SHANK2: variants seen among roughly 807,000 people sequenced by gnomAD.
The protein encoded by SHANK2 is SH3 and multiple ankyrin repeat domains protein 2.
SHANK2 carries 43 observed loss-of-function variants against 133.7 expected under a neutral mutation model. That is an observed-to-expected ratio of 0.32 (90% CI 0.25 to 0.41). The LOEUF (loss-of-function observed/expected upper bound fraction) is 0.41, where lower values mean the gene tolerates loss of function less well. Among genes scored for constraint, SHANK2 ranks in the 10% least tolerant of loss-of-function variants. The probability of loss-of-function intolerance (pLI) is 1.00; values close to 1 mark genes in which losing one functional copy is unlikely to be tolerated. For synonymous variants in SHANK2, 1,017 were observed against 952.8 expected, an observed-to-expected ratio of 1.07 and a Z score of -1.24; for missense variants, 1,994 against 2,235.8, an observed-to-expected ratio of 0.89 and a Z score of 2.18.
intron 17 of SHANK2, chr11:70,634,430 G>C (rs1400714421): frequency 6.6e-6 from 1 of 152,194 alleles, no homozygotes; most frequent in African/African-American, 2.4e-5. Context: ...GCATCAAAGG[G>C]CACCATCAAC....
intron 8 of SHANK2, among the ~76,000 whole-genome samples, 178 bp from the exon 9 acceptor site, chr11:71,075,453 A>C (rs1314735993): frequency 1.3e-5 from 2 of 152,180 alleles, no homozygotes; most frequent in Non-Finnish European, 2.9e-5. Flanking sequence ...ATCAGCATGC[A>C]CCACCAGACC....
At chr11:70,922,439 A>T (rs1045712136) in intron 10 of SHANK2, among the ~76,000 whole-genome samples, 31 of 152,242 alleles carry the variant, frequency 2.0e-4, no homozygotes, top group Non-Finnish European at 3.5e-4. Flanking sequence ...CAGGAAAAAA[A>T]CATAGCTAGG....
At chr11:71,084,136 A>AT (rs1263982803) in intron 8 of SHANK2, among the ~76,000 whole-genome samples, 2 of 151,768 alleles carry the variant, frequency 1.3e-5, no homozygotes, top group East Asian at 2.0e-4. Flanking sequence ...CTTGCTGCTA[A>AT]TTTTTTTTGT....
chr11:70,642,859 A>T lies in SHANK2; in HGVS notation c.2061+16969T>A, dbSNP rs116650490. On this transcript the variant is annotated intron_variant, in intron 17 of 25. Transcript: ENST00000601538. Reference sequence around the variant, plus strand: ...AATTAGATAAAGAATACAAGTTTTTAAAAAAAGTTACTTTACAGAAGAGCC... The same window carrying T: ...AATTAGATAAAGAATACAAGTTTTTTAAAAAAGTTACTTTACAGAAGAGCC... Among the ~76,000 whole-genome samples, 853 of 152,344 alleles carry T rather than the reference A, an allele frequency of 5.6e-3. 5 individuals are homozygous for T. Among genetic ancestry groups the T allele is most frequent in the African/African-American group, 0.019 (788 of 41,570 alleles).
intron 1 of SHANK2, among the ~76,000 whole-genome samples, chr11:71,235,849 C>T (rs574843817): frequency 4.6e-5 from 7 of 152,278 alleles, no homozygotes; most frequent in African/African-American, 1.7e-4. Context: ...GCTGCCGTGA[C>T]GATGGGCACA....
intron 17 of SHANK2, among the ~76,000 whole-genome samples, chr11:70,505,711 G>A (rs1417246747): frequency 1.7e-4 from 26 of 152,152 alleles, no homozygotes; most frequent in African/African-American, 5.6e-4. Flanking sequence ...AGACTGGCAC[G>A]GGGATGGGCT....
At chr11:71,101,256 C>T (rs879987816) in intron 6 of SHANK2, among the ~76,000 whole-genome samples, 34 of 152,284 alleles carry the variant, frequency 2.2e-4, no homozygotes, top group South Asian at 4.1e-4. Flanking sequence ...CCCCTGCCTC[C>T]GTGTCACCCT....
chr11:70,951,371 T>C lies in SHANK2; in HGVS notation c.1108-54804A>G, dbSNP rs1298599700. 2.8e-5 allele frequency among the ~76,000 whole-genome samples: 4 copies of C among 140,860 alleles called. No homozygotes were observed. In the South Asian group the frequency reaches 9.7e-4, roughly 34 times the overall value. The allele number at this position is 140,860 out of a possible 152,430, so 92.4% of individuals were successfully genotyped here. A position where few individuals can be genotyped will look rare whatever the true frequency, so the allele number is the denominator to read the frequency against. ...AAATTCATTTCCCCTGGCGGCTGGGTGGTGATGTCATAAATTCATTTCCCC... is the reference window on the plus strand; with the variant it reads ...AAATTCATTTCCCCTGGCGGCTGGGCGGTGATGTCATAAATTCATTTCCCC... On this transcript the variant is annotated intron_variant, in intron 10 of 25. Coordinates refer to ENST00000601538, the MANE Select transcript of SHANK2 (RefSeq NM_012309.5).
At chr11:70,545,633 T>C (rs1554976184) in intron 17 of SHANK2, among the ~76,000 whole-genome samples, 1 of 152,230 alleles carries the variant, frequency 6.6e-6, no homozygotes, top group Non-Finnish European at 1.5e-5. Context: ...ATTAAACAGC[T>C]GGTGTTGTAT....
At chr11:70,889,141 A>C (rs1197556549) in intron 11 of SHANK2, among the ~76,000 whole-genome samples, 2 of 152,164 alleles carry the variant, frequency 1.3e-5, no homozygotes, top group Non-Finnish European at 2.9e-5. Flanking sequence ...GAGTTGAAGG[A>C]TCTCAAGATG....
In SHANK2 at chr11:70,487,177, G is replaced by A. The variant is rs1222049109; in HGVS notation, c.3116C>T (p.Pro1039Leu). ...IPIPTIIVKE[P>L]STSSSGKSSQ... ...GCTCTTGCCGCTGCTGCTGGTGGAC[G>A]GCTCCTTCACGATGATGGTCGGGAT... Residue 1039 changes from proline to leucine, a missense_variant, in exon 25 of 26, where the codon CCG becomes CTG. Pro to Leu is a moderately conservative substitution (Grantham distance 98). Around this residue, in one of 5 missense-constraint regions of SHANK2, gnomAD observed 488 missense variants for 642.6 expected, o/e 0.76. Transcript: ENST00000601538. This position sits in a 1 kb window ranked among gnomAD's most constrained non-coding sequence, Gnocchi z 5.8. 2.5e-6 allele frequency: 4 copies of A among 1,613,322 alleles called. No individual in the cohort carries two copies. Among genetic ancestry groups the A allele is most frequent in the Non-Finnish European group, 3.4e-6 (4 of 1,180,048 alleles).
chr11:70,685,310 C>T (rs1945120764), intron 15 of SHANK2, among the ~76,000 whole-genome samples: 2 of 152,182 alleles, frequency 1.3e-5, no homozygotes, highest in Non-Finnish European at 2.9e-5. Flanking sequence ...TTCCTGGCTC[C>T]TCCCCTTCAC....
chr11:71,144,699 C>G (rs1952613577), intron 3 of SHANK2, among the ~76,000 whole-genome samples: 1 of 152,136 alleles, frequency 6.6e-6, no homozygotes, highest in African/African-American at 2.4e-5. Flanking sequence ...AAAATTCCAG[C>G]CTTCCAGTGT....
intron 3 of SHANK2, among the ~76,000 whole-genome samples, chr11:71,141,670 T>A (rs536464841): frequency 7.9e-5 from 12 of 152,218 alleles, no homozygotes; most frequent in African/African-American, 2.4e-4. Flanking sequence ...ATTACCAGCA[T>A]GAGAATGGGC....
chr11:70,612,789 T>C (rs1554994682), intron 17 of SHANK2, among the ~76,000 whole-genome samples: 1 of 152,164 alleles, frequency 6.6e-6, no homozygotes, highest in African/African-American at 2.4e-5. Context: ...ACAGATATCA[T>C]TTTGGCCTTT....
chr11:71,146,331 C>T (rs1407389886), intron 3 of SHANK2, among the ~76,000 whole-genome samples: 4 of 152,164 alleles, frequency 2.6e-5, no homozygotes, highest in African/African-American at 9.6e-5. Flanking sequence ...CACGAAGCTC[C>T]CCTTTACAGA....
chr11:70,822,737 G>T (rs112462159), intron 11 of SHANK2, among the ~76,000 whole-genome samples: 14 of 53,746 alleles, frequency 2.6e-4, no homozygotes, highest in South Asian at 7.1e-4. Flanking sequence ...GCTGGCAGAG[G>T]TCATGGGGGA....
intron 17 of SHANK2, among the ~76,000 whole-genome samples, chr11:70,622,187 T>C (rs1407114820): frequency 6.6e-6 from 1 of 152,118 alleles, no homozygotes; most frequent in African/African-American, 2.4e-5. Flanking sequence ...GGATGTCCAA[T>C]GGAATGGACG....
In SHANK2 at chr11:71,110,049, T is replaced by C. The variant is rs1209958921; in HGVS notation, c.484A>G (p.Thr162Ala). 6.5e-7 allele frequency: 1 copy of C among 1,545,304 alleles called. No individual in the cohort carries two copies. Among genetic ancestry groups the C allele is most frequent in the African/African-American group, 1.4e-5 (1 of 72,884 alleles). The change falls in exon 6 of 26, where the codon ACC (threonine) becomes GCC (alanine). Residue 162 changes from threonine to alanine, a missense_variant and splice_region_variant. Thr to Ala is a moderately conservative substitution (Grantham distance 58). Around this residue, in one of 5 missense-constraint regions of SHANK2, gnomAD observed 653 missense variants for 563.4 expected, o/e 1.16. Coordinates refer to ENST00000601538, the MANE Select transcript of SHANK2 (RefSeq NM_012309.5). ...EKQLAKLHTK[T>A]NLKKCMDHIQ... ...TGATCCATGCATTTCTTCAGATTGGTCTAGAAGGAAAAACAATACAATTGA... is the reference window on the plus strand; with the variant it reads ...TGATCCATGCATTTCTTCAGATTGGCCTAGAAGGAAAAACAATACAATTGA...
Sources: gnomAD v4.1 joint callset for allele counts (sites outside exome capture counted in the v4.1 genomes callset) on GRCh38, gnomAD v4.1.1 for gene constraint, gnomAD v4.1.1 regional missense constraint, Gnocchi (gnomAD v3.1) non-coding constraint, MANE v1.5 for transcripts, NCBI Gene and HGNC (gene_info 2026-07-23, HGNC 2026-07-21) for gene names.